Variants in AGBL4 observed in about 807,000 individuals in gnomAD.
AGBL4 encodes the protein cytosolic carboxypeptidase 6.
Under a neutral mutation model 66.4 loss-of-function variants are expected in AGBL4, and 58 were observed. The ratio of observed to expected loss-of-function variants is 0.87; its 90% CI spans 0.71 to 1.09. The LOEUF (loss-of-function observed/expected upper bound fraction) is 1.09, where lower values mean the gene tolerates loss of function less well. Ranked by LOEUF, AGBL4 falls within the 50% of genes least tolerant of loss-of-function variation. AGBL4 has a pLI of 0.00. For synonymous variants in AGBL4, 234 were observed against 222.9 expected, an observed-to-expected ratio of 1.05 and a Z score of -0.44; for missense variants, 579 against 631.0, an observed-to-expected ratio of 0.92 and a Z score of 0.88.
intron 2 of AGBL4, among the ~76,000 whole-genome samples, chr1:49,826,909 T>C (rs1396963219): frequency 6.6e-6 from 1 of 152,158 alleles, no homozygotes; most frequent in Non-Finnish European, 1.5e-5. Context: ...AAAAGCCATA[T>C]ACAGCTGCAG....
intron 3 of AGBL4, among the ~76,000 whole-genome samples, chr1:49,424,375 A>T (rs1645612822): frequency 6.6e-6 from 1 of 152,188 alleles, no homozygotes; most frequent in African/African-American, 2.4e-5. Context: ...AGGCAGTTAT[A>T]TTAGTCCTGC....
intron 4 of AGBL4, among the ~76,000 whole-genome samples, chr1:49,146,153 A>T (rs1324474140): frequency 1.3e-5 from 2 of 152,160 alleles, no homozygotes; most frequent in African/African-American, 4.8e-5. Context: ...GTCAATGGGT[A>T]CAAAAAACAA....
At chr1:49,875,293 C>T (rs1192624011) in intron 1 of AGBL4, among the ~76,000 whole-genome samples, 1 of 129,436 alleles carries the variant, frequency 7.7e-6, no homozygotes, top group Admixed American at 7.8e-5. Flanking sequence ...TCTCCCAATG[C>T]TATCCCTCCC....
At chr1:48,789,688 A>G (rs551613081) in intron 6 of AGBL4, among the ~76,000 whole-genome samples, 18 of 152,234 alleles carry the variant, frequency 1.2e-4, no homozygotes, top group Non-Finnish European at 1.6e-4. Flanking sequence ...TGTAAAGAAG[A>G]CTTTATGAAA....
intron 2 of AGBL4, among the ~76,000 whole-genome samples, chr1:49,768,141 TGAG>T (rs1270294012): frequency 2.0e-5 from 3 of 152,010 alleles, no homozygotes; most frequent in African/African-American, 7.2e-5. Flanking sequence ...TCCAAAAAAT[TGAG>T]GAGGAGGGTC....
At chr1:49,983,438 C>T (rs1659241642) in intron 1 of AGBL4, among the ~76,000 whole-genome samples, 1 of 152,212 alleles carries the variant, frequency 6.6e-6, no homozygotes, top group South Asian at 2.1e-4. Context: ...GTGGTGGGAC[C>T]CCATGCTCAC....
chr1:49,870,266 A>T (rs899033324), intron 1 of AGBL4, among the ~76,000 whole-genome samples: 2 of 152,162 alleles, frequency 1.3e-5, no homozygotes, highest in African/African-American at 4.8e-5. Context: ...CACTGGGATT[A>T]ATGAGAATAT....
chr1:49,983,474 A>G (rs1164765001), intron 1 of AGBL4, among the ~76,000 whole-genome samples: 4 of 152,124 alleles, frequency 2.6e-5, no homozygotes, highest in Non-Finnish European at 4.4e-5. Context: ...TCGCTGCTCT[A>G]CTCACCTTTG....
At chr1:49,824,317 G>A (rs948480293) in intron 2 of AGBL4, among the ~76,000 whole-genome samples, 1 of 152,190 alleles carries the variant, frequency 6.6e-6, no homozygotes, top group Non-Finnish European at 1.5e-5. Context: ...ACAGGATATG[G>A]TTCTTGGGCT....
chr1:49,482,938 A>C (rs1381826894), intron 3 of AGBL4, among the ~76,000 whole-genome samples: 1 of 152,048 alleles, frequency 6.6e-6, no homozygotes, highest in Non-Finnish European at 1.5e-5. Context: ...GTTTTGAGTG[A>C]ATTTCTTAGT....
intron 6 of AGBL4, among the ~76,000 whole-genome samples, chr1:48,690,889 C>T (rs1288562309): frequency 6.6e-6 from 1 of 151,846 alleles, no homozygotes. Context: ...TATTTTAGGC[C>T]GGGCATGGCT....
chr1:49,562,015 T>C (rs1421647824), intron 3 of AGBL4, among the ~76,000 whole-genome samples: 3 of 152,140 alleles, frequency 2.0e-5, no homozygotes, highest in Non-Finnish European at 4.4e-5. Context: ...TGGTGTGAGA[T>C]GGTATCTCAT....
At chr1:49,044,444 C>T (rs1006384612) in intron 5 of AGBL4, among the ~76,000 whole-genome samples, 1 of 151,546 alleles carries the variant, frequency 6.6e-6, no homozygotes, top group Middle Eastern at 3.4e-3. Flanking sequence ...AGCTGTGAGC[C>T]AAGATCTTGC....
At chr1:49,441,606 T>C (rs113610882) in intron 3 of AGBL4, among the ~76,000 whole-genome samples, 12,365 of 152,096 alleles carry the variant, frequency 0.081, 714 homozygotes, top group African/African-American at 0.17. Context: ...AGAAATAGAT[T>C]TGTGAGGGCA....
In AGBL4 at chr1:49,535,852, C is replaced by T. The variant is rs367721857; in HGVS notation, c.282+161461G>A. ...GACTACAGGTGCCTGCCACCACACC[C>T]GGCTAATTTTTTGTATTTTTAGTAG... On this transcript the variant is annotated intron_variant, in intron 3 of 13. Transcript: ENST00000371839. Among the ~76,000 whole-genome samples the T allele has an allele frequency of 3.8e-4, 58 of 152,172 alleles. No individual in the cohort carries two copies. The East Asian group carries it at 7.8e-3, about 20-fold the overall frequency.
intron 3 of AGBL4, among the ~76,000 whole-genome samples, chr1:49,676,573 A>C (rs895417975): frequency 6.6e-6 from 1 of 152,244 alleles, no homozygotes; most frequent in African/African-American, 2.4e-5. Flanking sequence ...TCTGTGTGTT[A>C]CACTGTTGCT....
intron 4 of AGBL4, among the ~76,000 whole-genome samples, chr1:49,214,196 G>A (rs1648896367): frequency 1.3e-5 from 2 of 151,976 alleles, no homozygotes; most frequent in African/African-American, 4.8e-5. Flanking sequence ...TAATTTATTT[G>A]GGAAATAATT....
chr1:49,697,932 G>T (rs1311322739), intron 2 of AGBL4, among the ~76,000 whole-genome samples: 1 of 152,126 alleles, frequency 6.6e-6, no homozygotes, highest in African/African-American at 2.4e-5. Flanking sequence ...ATATGTTAAA[G>T]AATATGTACA....
intron 5 of AGBL4, among the ~76,000 whole-genome samples, chr1:48,883,240 A>G (rs926729386): frequency 1.5e-4 from 23 of 152,190 alleles, no homozygotes; most frequent in South Asian, 2.1e-4. Context: ...CCAACAGTGT[A>G]CAAGGGTTTC....
Sources: gnomAD v4.1 joint callset for allele counts (sites outside exome capture counted in the v4.1 genomes callset) on GRCh38, gnomAD v4.1.1 for gene constraint, MANE v1.5 for transcripts, NCBI Gene and HGNC (gene_info 2026-07-23, HGNC 2026-07-21) for gene names.